SMPD4: variants seen among roughly 807,000 people sequenced by gnomAD.
SMPD4 encodes neutral sphingomyelinase 3.
SMPD4 carries 58 observed loss-of-function variants against 97.8 expected under a neutral mutation model. The observed-to-expected ratio is 0.59, with a 90% CI of 0.48 to 0.74. The LOEUF (loss-of-function observed/expected upper bound fraction) is 0.74. SMPD4 is among the 30% of genes least tolerant of loss of function. The pLI, the probability that SMPD4 is intolerant of heterozygous loss-of-function variation, is 0.00. For missense variants in SMPD4, 853 were observed against 1,080.5 expected, an observed-to-expected ratio of 0.79 and a Z score of 2.95; for synonymous variants, 388 against 450.0, an observed-to-expected ratio of 0.86 and a Z score of 1.74.
At chr2:130,169,219 G>T (rs1169408909) in intron 8 of SMPD4, among the ~76,000 whole-genome samples, 1 of 152,156 alleles carries the variant, frequency 6.6e-6, no homozygotes, top group Non-Finnish European at 1.5e-5. Context: ...GCTCTGGAGG[G>T]GTCAAGGTCA....
At position 130,155,246 on chromosome 2, in the gene SMPD4, G is replaced by C; in HGVS notation, c.1303C>G (p.Gln435Glu). 8.1e-6 allele frequency: 13 copies of C among 1,614,128 alleles called. No individual in the cohort carries two copies. Among genetic ancestry groups the C allele is most frequent in the Non-Finnish European group, 1.0e-5 (12 of 1,180,024 alleles). ...CVSEKWAPFVQENLLMYTKLF... is the reference protein window; with the variant it reads ...CVSEKWAPFVEENLLMYTKLF... Reference sequence around the variant, plus strand: ...TTGGTGTACATCAGCAGGTTCTCCTGGACAAAGGGTGCCCTGGGGACCGAG... The same window carrying C: ...TTGGTGTACATCAGCAGGTTCTCCTCGACAAAGGGTGCCCTGGGGACCGAG... The change falls in exon 15 of 20, where the codon CAG (glutamine) becomes GAG (glutamate). Residue 435 changes from glutamine (Q) to glutamate (E), a missense_variant. By Grantham distance (29) the Gln-to-Glu change is conservative. Around this residue, in one of 3 missense-constraint regions of SMPD4, gnomAD observed 511 missense variants for 608.1 expected, o/e 0.84. Coordinates refer to ENST00000680298, the MANE Select transcript of SMPD4 (RefSeq NM_017951.5).
chr2:130,165,419 T>C (rs1687839974), intron 9 of SMPD4, among the ~76,000 whole-genome samples: 1 of 131,808 alleles, frequency 7.6e-6, no homozygotes, highest in Non-Finnish European at 1.6e-5. Flanking sequence ...AGAACAAAAC[T>C]CGGTCTCAAA....
At chr2:130,175,190 T>A (rs1373226055) in intron 2 of SMPD4, among the ~76,000 whole-genome samples, 190 bp from the exon 3 acceptor site, 2 of 152,278 alleles carry the variant, frequency 1.3e-5, no homozygotes. Flanking sequence ...GCCGTAGTTC[T>A]ATGCTCTCTG....
In SMPD4 at chr2:130,172,907, G is replaced by A. The variant is rs2104901178; in HGVS notation, c.346-12C>T. 6.2e-7 allele frequency: 1 copy of A among 1,604,716 alleles called. No homozygotes were observed. Among genetic ancestry groups the A allele is most frequent in the Non-Finnish European group, 8.5e-7 (1 of 1,175,686 alleles). On this transcript the variant is annotated splice_polypyrimidine_tract_variant and intron_variant, in intron 5 of 19. Transcript: ENST00000680298. ...GCCTTCACAGGACCCTGCAGAGAGA[G>A]GCAGTGAGGCTTGTGGGCAGGTGCT... is the stretch of plus-strand genomic sequence containing the variant.
intron 8 of SMPD4, among the ~76,000 whole-genome samples, chr2:130,171,338 G>C (rs548906800): frequency 3.3e-5 from 5 of 151,996 alleles, no homozygotes; most frequent in Admixed American, 2.6e-4. Context: ...CCTGACCTCA[G>C]GCGATCCCTC....
rs1688023575 is a variant in SMPD4, at chr2:130,167,245, C to T, written c.792+213G>A. ...AAGCGATTCTCCCGCCTCAGCCTCC[C>T]GAGTAGCTGGGATTACAGGCGCCTG... On this transcript the variant is annotated intron_variant, in intron 9 of 19. Coordinates refer to ENST00000680298, the MANE Select transcript of SMPD4 (RefSeq NM_017951.5). 2.6e-5 allele frequency among the ~76,000 whole-genome samples: 4 copies of T among 152,100 alleles called. No homozygotes were observed. In the South Asian group the frequency reaches 8.3e-4, roughly 32 times the overall value.
At chr2:130,171,249 T>C (rs1688438260) in intron 8 of SMPD4, among the ~76,000 whole-genome samples, 1 of 150,938 alleles carries the variant, frequency 6.6e-6, no homozygotes, top group Admixed American at 6.6e-5. Context: ...GGATTACAGG[T>C]GTGCACCACC....
At chr2:130,167,386 G>A (rs1688037143) in intron 9 of SMPD4, 72 bp downstream of exon 9, 3 of 1,604,630 alleles carry the variant, frequency 1.9e-6, no homozygotes, top group Non-Finnish European at 1.7e-6. Flanking sequence ...CTCGCAAAGT[G>A]CTGGGGATTA....
intron 10 of SMPD4, among the ~76,000 whole-genome samples, chr2:130,161,929 A>T (rs1303222110): frequency 2.0e-5 from 3 of 152,150 alleles, no homozygotes; most frequent in Non-Finnish European, 4.4e-5. Flanking sequence ...AACTCAAATC[A>T]ATGTCCCCTC....
chr2:130,153,213 C>A, intron 18 of SMPD4, 42 bp from the exon 19 acceptor site: 1 of 1,613,420 alleles, frequency 6.2e-7, no homozygotes, highest in Non-Finnish European at 8.5e-7. Context: ...AAACACAGCC[C>A]CACACACAAC....
In SMPD4 at chr2:130,162,679, T is replaced by C. The variant is rs1175977713; in HGVS notation, c.865-1407A>G. ...TCCTGCATCTGAAAATAAGGGCTAGTGGGGACGGGCAGGGATTTCTGCATG... is the reference window on the plus strand; with the variant it reads ...TCCTGCATCTGAAAATAAGGGCTAGCGGGGACGGGCAGGGATTTCTGCATG... On this transcript the variant is annotated intron_variant, in intron 10 of 19. Transcript: ENST00000680298. Among the ~76,000 whole-genome samples, 7 of 152,274 alleles carry C rather than the reference T, an allele frequency of 4.6e-5. No homozygotes were observed. The South Asian group carries it at 8.3e-4, about 18-fold the overall frequency.
At chr2:130,164,688 C>T (rs1413355547) in intron 9 of SMPD4, among the ~76,000 whole-genome samples, 1 of 152,074 alleles carries the variant, frequency 6.6e-6, no homozygotes, top group African/African-American at 2.4e-5. Context: ...CTTCATAACA[C>T]TAGATTTGGC....
At chr2:130,170,591 C>A (rs758049908) in intron 8 of SMPD4, among the ~76,000 whole-genome samples, 1 of 151,616 alleles carries the variant, frequency 6.6e-6, no homozygotes, top group Admixed American at 6.6e-5. Flanking sequence ...CATAGCAAGA[C>A]CCATCTTACA....
Position 130,173,495 on chromosome 2 carries a change from C to T in SMPD4, c.269+19G>A, listed in dbSNP as rs370737167. ...CATGAGGAATCACCCAGCCTCTCTC[C>T]GGTGACCAACCTACCTACCCAGGGT... On this transcript the variant is annotated intron_variant, in intron 4 of 19. Transcript: ENST00000680298. 1.1e-5 allele frequency: 18 copies of T among 1,589,898 alleles called. No homozygotes were observed. The highest frequency in any genetic ancestry group is 9.0e-5 in the East Asian group (4 of 44,600).
intron 11 of SMPD4, among the ~76,000 whole-genome samples, chr2:130,159,042 C>T (rs1459223542): frequency 3.3e-5 from 5 of 152,062 alleles, no homozygotes; most frequent in African/African-American, 9.7e-5. Flanking sequence ...CTCTGTCACC[C>T]GCGCTGTAGT....
Position 130,152,754 on chromosome 2 carries a change from C to T in SMPD4, c.2285G>A (p.Gly762Asp). The T allele has an allele frequency of 6.3e-7, 1 of 1,598,690 alleles. No homozygotes were observed. Among genetic ancestry groups the T allele is most frequent in the Non-Finnish European group, 8.5e-7 (1 of 1,173,992 alleles). The change falls in exon 20 of 20, where the codon GGC (glycine) becomes GAC (aspartate). Residue 762 changes from glycine (G) to aspartate (D), a missense_variant. Coordinates refer to ENST00000680298, the MANE Select transcript of SMPD4 (RefSeq NM_017951.5). ...GCTGAGCCTGGGGCCGCGGGTGTGG[C>T]CGGCCACCTGCCTCCGCCCCACAGG... ...LSPVGRRQVA[G>D]HTRGPRLSLR...
intron 8 of SMPD4, among the ~76,000 whole-genome samples, chr2:130,170,594 A>C (rs1387747732): frequency 2.6e-5 from 4 of 151,868 alleles, no homozygotes; most frequent in Admixed American, 6.6e-5. Context: ...AGCAAGACCC[A>C]TCTTACAAAA....
upstream of SMPD4, chr2:130,181,744 G>A (rs1456294986): frequency 1.4e-5 from 22 of 1,548,404 alleles, no homozygotes; most frequent in Non-Finnish European, 7.0e-6. Context: ...TGCGGGGGAG[G>A]GAGTGGTCCT....
chr2:130,161,668 C>G (rs1325807118), intron 10 of SMPD4, among the ~76,000 whole-genome samples: 3 of 152,172 alleles, frequency 2.0e-5, no homozygotes, highest in Non-Finnish European at 4.4e-5. Context: ...CCCACTCTCC[C>G]CAGTGACTGA....
Sources: gnomAD v4.1 joint callset for allele counts (sites outside exome capture counted in the v4.1 genomes callset) on GRCh38, gnomAD v4.1.1 for gene constraint, gnomAD v4.1.1 regional missense constraint, MANE v1.5 for transcripts, NCBI Gene and HGNC (gene_info 2026-07-23, HGNC 2026-07-21) for gene names.